FRMD4B: variants seen among roughly 807,000 people sequenced by gnomAD.
The protein encoded by FRMD4B is FERM domain-containing protein 4B.
FRMD4B carries 74 observed loss-of-function variants against 141.5 expected under a neutral mutation model. The observed-to-expected ratio is 0.52, with a 90% CI of 0.43 to 0.63. The LOEUF (loss-of-function observed/expected upper bound fraction) is 0.63. Among genes scored for constraint, FRMD4B ranks in the 30% least tolerant of loss-of-function variants. The pLI, the probability that FRMD4B is intolerant of heterozygous loss-of-function variation, is 0.00. For synonymous variants in FRMD4B, 506 were observed against 467.9 expected, an observed-to-expected ratio of 1.08 and a Z score of -1.05; for missense variants, 1,366 against 1,253.4, an observed-to-expected ratio of 1.09 and a Z score of -1.36.
At chr3:69,365,521 T>TTTTTTC (rs1703614046) in intron 1 of FRMD4B, among the ~76,000 whole-genome samples, 1 of 152,106 alleles carries the variant, frequency 6.6e-6, no homozygotes, top group African/African-American at 2.4e-5. Context: ...TTTCTTTTTT[T>TTTTTTC]TGAGATGGAG....
In FRMD4B at chr3:69,283,978, A is replaced by AAAC. The variant is rs1277902289; in HGVS notation, c.501+3773_501+3774insGTT. Among the ~76,000 whole-genome samples the AAAC allele has an allele frequency of 1.1e-4, 17 of 151,940 alleles. No individual in the cohort carries two copies. The South Asian group carries it at 1.2e-3, about 11-fold the overall frequency. On this transcript the variant is annotated intron_variant, in intron 5 of 22. Coordinates refer to ENST00000398540, the MANE Select transcript of FRMD4B (RefSeq NM_015123.3). ...GAAAAAACAAAACAAAACAAAACAAAAAAAACAAAAAACAGACAAAATATA... is the reference window on the plus strand; with the variant it reads ...GAAAAAACAAAACAAAACAAAACAAAAACAAAAACAAAAAACAGACAAAATATA...
intron 1 of FRMD4B, among the ~76,000 whole-genome samples, chr3:69,480,748 C>T (rs1706106009): frequency 6.6e-6 from 1 of 152,220 alleles, no homozygotes; most frequent in Admixed American, 6.5e-5. Flanking sequence ...AGCTGTCAGA[C>T]AGGGACATTT....
chr3:69,292,274 T>G (rs1208922240), intron 4 of FRMD4B, among the ~76,000 whole-genome samples: 3 of 152,144 alleles, frequency 2.0e-5, no homozygotes, highest in African/African-American at 7.2e-5. Context: ...AGGGGACAGT[T>G]GAGCTGAGTC....
At chr3:69,526,744 C>T (rs1294233968) in intron 1 of FRMD4B, among the ~76,000 whole-genome samples, 1 of 152,262 alleles carries the variant, frequency 6.6e-6, no homozygotes, top group South Asian at 2.1e-4. Context: ...AGGCACTCAA[C>T]AGGAGTTAGC....
chr3:69,387,843 A>C (rs938047888), upstream of FRMD4B, among the ~76,000 whole-genome samples: 1 of 152,224 alleles, frequency 6.6e-6, no homozygotes, highest in Non-Finnish European at 1.5e-5. Context: ...ATTAGTTAAT[A>C]GGACACAAGA....
chr3:69,247,464 T>C (rs1013059655), intron 7 of FRMD4B, among the ~76,000 whole-genome samples: 3 of 152,188 alleles, frequency 2.0e-5, no homozygotes, highest in African/African-American at 7.2e-5. Flanking sequence ...CCAGGAAACG[T>C]GGCTTTTCTG....
At chr3:69,381,776 AT>A (rs1704126513) in intron 1 of FRMD4B, among the ~76,000 whole-genome samples, 1 of 152,208 alleles carries the variant, frequency 6.6e-6, no homozygotes, top group Non-Finnish European at 1.5e-5. Flanking sequence ...TAATATTTTT[AT>A]GTAAAGAGCA....
At chr3:69,410,748 T>TTTGAG (rs1704745505) in intron 2 of FRMD4B, among the ~76,000 whole-genome samples, 1 of 18,700 alleles carries the variant, frequency 5.3e-5, no homozygotes, top group African/African-American at 2.0e-4. Flanking sequence ...TATATATATA[T>TTTGAG]ATATATATAT....
chr3:69,505,428 T>C (rs1478624702), intron 1 of FRMD4B, among the ~76,000 whole-genome samples: 3 of 152,092 alleles, frequency 2.0e-5, no homozygotes, highest in East Asian at 3.9e-4. Flanking sequence ...AAACAGTATT[T>C]ACTTGTATCA....
chr3:69,264,212 A>C (rs748556526), intron 5 of FRMD4B, among the ~76,000 whole-genome samples: 16 of 152,086 alleles, frequency 1.1e-4, no homozygotes, highest in Non-Finnish European at 2.2e-4. Context: ...AATACACTAT[A>C]CACATTATTT....
chr3:69,233,069 C>T (rs1249583935), intron 7 of FRMD4B, among the ~76,000 whole-genome samples: 2 of 151,852 alleles, frequency 1.3e-5, no homozygotes, highest in Admixed American at 6.6e-5. Context: ...CACTTTTCTT[C>T]TCCAAGCAAA....
chr3:69,464,437 T>C lies in FRMD4B; in HGVS notation c.-128-31676A>G, dbSNP rs570773770. On this transcript the variant is annotated intron_variant, in intron 1 of 5. Coordinates refer to the FRMD4B transcript ENST00000459638. ...CAGAAAGTAAACTGTCACCTATATA[T>C]GATTTCTAAGGCAGATAAGGCCTGG... Among the ~76,000 whole-genome samples, 16 of 152,320 alleles carry C rather than the reference T, an allele frequency of 1.1e-4. No homozygotes were observed. The South Asian group carries it at 3.3e-3, about 32-fold the overall frequency.
chr3:69,237,086 T>C (rs1256375813), intron 7 of FRMD4B, among the ~76,000 whole-genome samples: 1 of 152,202 alleles, frequency 6.6e-6, no homozygotes, highest in Admixed American at 6.5e-5. Flanking sequence ...CACTGAAGTT[T>C]GAAAACTTAC....
At chr3:69,433,591 A>C (rs1439743972) in intron 1 of FRMD4B, among the ~76,000 whole-genome samples, 1 of 152,200 alleles carries the variant, frequency 6.6e-6, no homozygotes, top group Admixed American at 6.5e-5. Flanking sequence ...AGAAGCAGGA[A>C]GTCAAGGGGA....
intron 21 of FRMD4B, among the ~76,000 whole-genome samples, chr3:69,179,336 T>C (rs959309210): frequency 1.1e-4 from 16 of 152,204 alleles, no homozygotes; most frequent in African/African-American, 3.6e-4. Flanking sequence ...ACCATCCACA[T>C]GCATCTCAGC....
At chr3:69,244,711 T>C (rs1355399231) in intron 7 of FRMD4B, among the ~76,000 whole-genome samples, 1 of 151,912 alleles carries the variant, frequency 6.6e-6, no homozygotes, top group Non-Finnish European at 1.5e-5. Flanking sequence ...CTGGACAACA[T>C]GGTGAAAACT....
intron 1 of FRMD4B, among the ~76,000 whole-genome samples, chr3:69,342,444 C>T (rs1702769979): frequency 6.6e-6 from 1 of 152,122 alleles, no homozygotes; most frequent in Non-Finnish European, 1.5e-5. Flanking sequence ...TCATTATGAA[C>T]ATTACAGGCC....
chr3:69,215,055 A>G lies in FRMD4B; in HGVS notation c.876+1208T>C, dbSNP rs113751594. Among the ~76,000 whole-genome samples, 1,298 of 150,692 alleles carry G rather than the reference A, an allele frequency of 8.6e-3. 18 individuals carry two copies. The highest frequency in any genetic ancestry group is 0.03 in the African/African-American group (1,239 of 41,054). On this transcript the variant is annotated intron_variant, in intron 11 of 22. Transcript: ENST00000398540. ...CCGCTATGCCCAGCTCATTTTTTGTATTTTAGTAGAGACGGGGTTTCACCT... is the reference window on the plus strand; with the variant it reads ...CCGCTATGCCCAGCTCATTTTTTGTGTTTTAGTAGAGACGGGGTTTCACCT...
intron 1 of FRMD4B, 63 bp from the exon 2 acceptor site, chr3:69,313,580 C>G: frequency 4.1e-6 from 4 of 968,284 alleles, no homozygotes; most frequent in Non-Finnish European, 6.4e-6. Context: ...CCTTTGGACT[C>G]GTTGTATCAT....
Sources: gnomAD v4.1 joint callset for allele counts (sites outside exome capture counted in the v4.1 genomes callset) on GRCh38, gnomAD v4.1.1 for gene constraint, MANE v1.5 for transcripts, NCBI Gene and HGNC (gene_info 2026-07-23, HGNC 2026-07-21) for gene names.